CSF1: variants seen among roughly 807,000 people sequenced by gnomAD.
CSF1 encodes the protein colony stimulating factor 1, also known as macrophage colony-stimulating factor 1.
CSF1 carries 9 observed loss-of-function variants against 48.9 expected under a neutral mutation model. The observed-to-expected ratio is 0.18, with a 90% confidence interval of 0.11 to 0.32. The LOEUF is 0.32. Ranked by LOEUF, CSF1 falls within the 10% of genes least tolerant of loss-of-function variation. CSF1 has a pLI of 1.00. For synonymous variants in CSF1, 305 were observed against 284.1 expected, an observed-to-expected ratio of 1.07 and a Z score of -0.74; for missense variants, 672 against 697.9, an observed-to-expected ratio of 0.96 and a Z score of 0.42.
chr1:109,919,511 G>A (rs1040582670), intron 4 of CSF1, among the ~76,000 whole-genome samples: 1 of 152,162 alleles, frequency 6.6e-6, no homozygotes, highest in African/African-American at 2.4e-5. Context: ...TTACAAATGT[G>A]AGTTACTGTG....
At position 109,921,040 on chromosome 1, in the gene CSF1, GC is replaced by G. The variant is rs377313438; in HGVS notation, c.397-805del. Among the ~76,000 whole-genome samples the G allele has an allele frequency of 5.3e-3, 800 of 152,282 alleles. 5 individuals are homozygous for G. Among genetic ancestry groups the G allele is most frequent in the South Asian group, 0.04 (191 of 4,824 alleles). On this transcript the variant is annotated intron_variant, in intron 4 of 8. Transcript: ENST00000329608. ...AGCCCTCCCTCTAAGACACACCAAT[GC>G]CAGCAAAGGACCCATATGCCTGGCG...
intron 1 of CSF1, 99 bp from the exon 2 acceptor site, chr1:109,914,160 A>G: frequency 1.5e-6 from 2 of 1,311,842 alleles, no homozygotes; most frequent in Non-Finnish European, 2.0e-6. Flanking sequence ...AGCCTGTAGC[A>G]TTGTAGATAT....
chr1:109,914,801 A>C (rs1261613085), intron 2 of CSF1, among the ~76,000 whole-genome samples: 4 of 152,246 alleles, frequency 2.6e-5, no homozygotes, highest in African/African-American at 9.6e-5. Context: ...CCAGTCTGGC[A>C]TCAGAGCCCC....
At chr1:109,925,486 T>C (rs940301600) in intron 8 of CSF1, among the ~76,000 whole-genome samples, 1 of 152,104 alleles carries the variant, frequency 6.6e-6, no homozygotes, top group African/African-American at 2.4e-5. Context: ...TCAGAGCAAC[T>C]AAACCCCCCT....
At chr1:109,928,772 GCCACACC>G (rs1647947270) in intron 8 of CSF1, 73 bp from the exon 9 acceptor site, 1 of 152,808 alleles carries the variant, frequency 6.5e-6, no homozygotes, top group Non-Finnish European at 1.5e-5. Flanking sequence ...CCACAGGAAT[GCCACACC>G]TCCCAATCCA....
At chr1:109,920,108 A>T (rs551610560) in intron 4 of CSF1, among the ~76,000 whole-genome samples, 2 of 151,758 alleles carry the variant, frequency 1.3e-5, no homozygotes, top group East Asian at 3.9e-4. Flanking sequence ...GTGAAGCTGG[A>T]GGAGCTAGCT....
chr1:109,923,127 C>G, intron 5 of CSF1, 39 bp from the exon 6 acceptor site: 1 of 1,498,846 alleles, frequency 6.7e-7, no homozygotes, highest in Non-Finnish European at 8.9e-7. Context: ...TCTATCTCCT[C>G]CCCATCTTTC....
chr1:109,923,244 A>G lies in CSF1; in HGVS notation c.623A>G (p.His208Arg), dbSNP rs1294921730. The change falls in exon 6 of 9, where the codon CAT (histidine) becomes CGT (arginine). Residue 208 changes from histidine to arginine, a missense_variant. Around this residue, in one of 3 missense-constraint regions of CSF1, gnomAD observed 591 missense variants for 593.6 expected, o/e 1.00. Coordinates refer to ENST00000329608, the MANE Select transcript of CSF1 (RefSeq NM_000757.6). ...AGTGACCCGGCCTCTGTCTCCCCTC[A>G]TCAGCCCCTCGCCCCCTCCATGGCC... ...PSSDPASVSP[H>R]QPLAPSMAPV... The G allele has an allele frequency of 3.1e-6, 5 of 1,591,194 alleles. No individual in the cohort carries two copies. In the South Asian group the frequency reaches 3.4e-5, roughly 11 times the overall value.
chr1:109,910,574 C>A (rs1010164680), upstream of CSF1: 3 of 279,480 alleles, frequency 1.1e-5, no homozygotes, highest in South Asian at 5.3e-5. Context: ...AGGGTGGGGA[C>A]GCGGTGGAGC....
At chr1:109,928,596 G>A (rs1403353943) in intron 8 of CSF1, among the ~76,000 whole-genome samples, 4 of 152,034 alleles carry the variant, frequency 2.6e-5, no homozygotes, top group East Asian at 1.9e-4. Context: ...CCCGGGCCCC[G>A]TTATCTTCCA....
chr1:109,915,520 G>A, intron 2 of CSF1, 114 bp from the exon 3 acceptor site: 1 of 837,934 alleles, frequency 1.2e-6, no homozygotes, highest in South Asian at 1.5e-5. Context: ...GGTTGGCAGG[G>A]ATGAAGTTCA....
chr1:109,924,730 C>A, intron 6 of CSF1, 46 bp from the exon 7 acceptor site: 1 of 1,542,204 alleles, frequency 6.5e-7, no homozygotes, highest in Middle Eastern at 1.7e-4. Flanking sequence ...CACCGCCCCC[C>A]CACACTCCCC....
At chr1:109,916,980 C>T (rs995782582) in intron 3 of CSF1, among the ~76,000 whole-genome samples, 1 of 152,104 alleles carries the variant, frequency 6.6e-6, no homozygotes, top group Non-Finnish European at 1.5e-5. Context: ...GAAAGAAAGG[C>T]AGGGGAAGGT....
chr1:109,913,392 C>T (rs962292093), intron 1 of CSF1, among the ~76,000 whole-genome samples: 10 of 152,078 alleles, frequency 6.6e-5, no homozygotes, highest in African/African-American at 2.4e-4. Context: ...GACCTAGGGC[C>T]AGGGGTAGGG....
chr1:109,926,901 A>G (rs1488821454), intron 8 of CSF1, among the ~76,000 whole-genome samples: 1 of 152,138 alleles, frequency 6.6e-6, no homozygotes, highest in Non-Finnish European at 1.5e-5. Context: ...GGGCCTCTCC[A>G]CATTTGCCAA....
In CSF1 at chr1:109,930,201, C is replaced by T. The variant is rs1648011085; in HGVS notation, c.*1363C>T. Reference sequence around the variant, plus strand: ...ATCCACTTCTCACCCTTCTTTCCTCCTGACCTTGGTCAGCAGTGATGACCT... The same window carrying T: ...ATCCACTTCTCACCCTTCTTTCCTCTTGACCTTGGTCAGCAGTGATGACCT... On this transcript the variant is annotated 3_prime_UTR_variant, in exon 9 of 9. Coordinates refer to ENST00000329608, the MANE Select transcript of CSF1 (RefSeq NM_000757.6). 6.6e-6 allele frequency: 1 copy of T among 152,384 alleles called. No individual in the cohort carries two copies. The highest frequency in any genetic ancestry group is 1.5e-5 in the Non-Finnish European group (1 of 68,182). The allele number at this position is 152,384 out of a possible 1,614,324, so 9.4% of individuals were successfully genotyped here. A position where few individuals can be genotyped will look rare whatever the true frequency, so the allele number is the denominator to read the frequency against.
chr1:109,911,190 C>G, intron 1 of CSF1, 128 bp downstream of exon 1: 2 of 539,034 alleles, frequency 3.7e-6, no homozygotes, highest in Non-Finnish European at 4.8e-6. Flanking sequence ...GCGTTCCCGC[C>G]GCGGACGAAC....
chr1:109,910,554 CG>C (rs1287913604), upstream of CSF1: 12 of 315,096 alleles, frequency 3.8e-5, no homozygotes, highest in Non-Finnish European at 7.4e-5. Flanking sequence ...GCAGAGGGCG[CG>C]GGGAAGGCAG....
At position 109,911,007 on chromosome 1, in the gene CSF1, G is replaced by A. The variant is rs1323823517; in HGVS notation, c.-17G>A. On this transcript the variant is annotated 5_prime_UTR_variant, in exon 1 of 9. Transcript: ENST00000329608. ...GCGAGGGCGGCCGACGCGCCCGGCC[G>A]GGACCCAGCTGCCCGTATGACCGCG... 24 of 1,168,746 alleles carry A rather than the reference G, an allele frequency of 2.1e-5. No homozygotes were observed. Among genetic ancestry groups the A allele is most frequent in the African/African-American group, 4.9e-5 (3 of 61,306 alleles). The allele number at this position is 1,168,746 out of a possible 1,614,324, so 72.4% of individuals were successfully genotyped here. A position where few individuals can be genotyped will look rare whatever the true frequency, so the allele number is the denominator to read the frequency against.
Sources: allele counts gnomAD v4.1 joint callset (sites outside exome capture counted in the v4.1 genomes callset), GRCh38; gene constraint gnomAD v4.1.1; regional missense constraint gnomAD v4.1.1; transcripts MANE v1.5; gene names NCBI Gene and HGNC (gene_info 2026-07-23, HGNC 2026-07-21).